The following SLC7A2 variants were observed in gnomAD, a reference collection of about 807,000 sequenced individuals.
The protein encoded by SLC7A2 is solute carrier family 7 member 2.
A neutral mutation model predicts 58.9 loss-of-function variants in SLC7A2; 48 were observed. The observed-to-expected ratio is 0.82, with a 90% CI of 0.65 to 1.04. SLC7A2 has a LOEUF of 1.04. SLC7A2 is among the 50% of genes least tolerant of loss of function. The pLI, the probability that SLC7A2 is intolerant of heterozygous loss-of-function variation, is 0.00. For missense variants in SLC7A2, 1,029 were observed against 818.8 expected (o/e 1.26, Z -3.13); for synonymous variants, 363 against 314.5 (o/e 1.15, Z -1.63).
chr8:17,509,650 G>A (rs1446495469), intron 2 of SLC7A2, among the ~76,000 whole-genome samples: 1 of 152,032 alleles, frequency 6.6e-6, no homozygotes, highest in African/African-American at 2.4e-5. Context: ...AAACAAGAGT[G>A]CAATCATTTT....
At chr8:17,503,157 T>C (rs1237614820) in intron 2 of SLC7A2, among the ~76,000 whole-genome samples, 1 of 151,940 alleles carries the variant, frequency 6.6e-6, no homozygotes, top group Non-Finnish European at 1.5e-5. Flanking sequence ...TTCACGCCAT[T>C]CTCCTGCCTC....
intron 2 of SLC7A2, among the ~76,000 whole-genome samples, chr8:17,512,003 A>G (rs962827991): frequency 2.2e-4 from 33 of 152,178 alleles, no homozygotes; most frequent in Non-Finnish European, 3.7e-4. Context: ...GATAAATTCT[A>G]AAGTTTCCTT....
chr8:17,546,576 C>T (rs2150745586), intron 4 of SLC7A2, among the ~76,000 whole-genome samples: 1 of 152,236 alleles, frequency 6.6e-6, no homozygotes, highest in African/African-American at 2.4e-5. Flanking sequence ...ATAAAGGTGG[C>T]TTTGTTATTC....
At chr8:17,563,304 A>G (rs1803109429) in intron 11 of SLC7A2, among the ~76,000 whole-genome samples, 1 of 152,142 alleles carries the variant, frequency 6.6e-6, no homozygotes, top group South Asian at 2.1e-4. Context: ...CACATTTCAG[A>G]GGTCTCCCCT....
chr8:17,562,180 ATTTT>A (rs200130071), intron 11 of SLC7A2, 70 bp downstream of exon 11: 559 of 592,942 alleles, frequency 9.4e-4, no homozygotes, highest in South Asian at 2.5e-3. Flanking sequence ...TTTGGTAAGT[ATTTT>A]TTTTTTTTTT....
chr8:17,554,738 T>C, intron 8 of SLC7A2, 39 bp downstream of exon 8: 5 of 1,577,276 alleles, frequency 3.2e-6, no homozygotes, highest in Non-Finnish European at 4.3e-6. Context: ...ACGGGGGATC[T>C]TTTTCATCAA....
intron 10 of SLC7A2, among the ~76,000 whole-genome samples, chr8:17,561,011 C>T (rs1312045359): frequency 6.6e-6 from 1 of 152,132 alleles, no homozygotes; most frequent in African/African-American, 2.4e-5. Flanking sequence ...AGAGACGGTC[C>T]GTACTCTCAC....
rs181333941 is a variant in SLC7A2 at position 17,541,019 on chromosome 8, C to A, written c.-22-2299C>A. 3.4e-3 allele frequency among the ~76,000 whole-genome samples: 520 copies of A among 152,142 alleles called. 2 individuals are homozygous for A. The highest frequency in any genetic ancestry group is 0.011 in the African/African-American group (466 of 41,502). On this transcript the variant is annotated intron_variant, in intron 2 of 12. Transcript: ENST00000494857. ...AATGGGTATGTTTATCAGTTGTGTT[C>A]CCGGAGTTGTATATGACATGTCTCA...
chr8:17,494,137 T>TG (rs1208729961), upstream of SLC7A2, among the ~76,000 whole-genome samples: 1 of 152,182 alleles, frequency 6.6e-6, no homozygotes, highest in African/African-American at 2.4e-5. Context: ...TAAAATAGTT[T>TG]GGGGAATAAT....
intron 2 of SLC7A2, among the ~76,000 whole-genome samples, chr8:17,542,442 T>C (rs2150736334): frequency 6.6e-6 from 1 of 152,192 alleles, no homozygotes; most frequent in African/African-American, 2.4e-5. Context: ...CGTGAGCCCA[T>C]GAATTCAAGA....
At position 17,519,032 on chromosome 8, in the gene SLC7A2, C is replaced by G. The variant is rs557344251; in HGVS notation, c.-23+16730C>G. 6.6e-5 allele frequency among the ~76,000 whole-genome samples: 10 copies of G among 152,202 alleles called. No individual in the cohort carries two copies. In the South Asian group the frequency reaches 1.0e-3, roughly 16 times the overall value. On this transcript the variant is annotated intron_variant, in intron 2 of 12. Coordinates refer to ENST00000494857, the MANE Select transcript of SLC7A2 (RefSeq NM_001370338.1). Reference sequence around the variant, plus strand: ...ACTAATTCCATCATGGGTGCCCCACCCACATGATCTCATCTAGCCCTAATT... The same window carrying G: ...ACTAATTCCATCATGGGTGCCCCACGCACATGATCTCATCTAGCCCTAATT...
upstream of SLC7A2, among the ~76,000 whole-genome samples, chr8:17,494,193 C>T (rs768435930): frequency 6.6e-5 from 10 of 152,074 alleles, no homozygotes; most frequent in Non-Finnish European, 1.2e-4. Context: ...TTCAGTCTTG[C>T]TAGTTGAAGT....
chr8:17,524,445 C>T (rs1379899466), intron 2 of SLC7A2, among the ~76,000 whole-genome samples: 1 of 151,766 alleles, frequency 6.6e-6, no homozygotes, highest in African/African-American at 2.4e-5. Flanking sequence ...CACACACACA[C>T]ACACACACAC....
upstream of SLC7A2, among the ~76,000 whole-genome samples, chr8:17,496,916 C>A (rs1799973757): frequency 6.6e-6 from 1 of 151,884 alleles, no homozygotes; most frequent in South Asian, 2.1e-4. Context: ...GCAAACCCCG[C>A]TGAGCAGCGG....
chr8:17,524,433 C>T (rs1429021069), intron 2 of SLC7A2, among the ~76,000 whole-genome samples: 22 of 151,372 alleles, frequency 1.5e-4, no homozygotes, highest in South Asian at 6.3e-4. Context: ...CACACACACA[C>T]ACACACACAC....
At chr8:17,504,192 G>C (rs1455326577) in intron 2 of SLC7A2, among the ~76,000 whole-genome samples, 3 of 152,202 alleles carry the variant, frequency 2.0e-5, no homozygotes, top group Admixed American at 2.0e-4. Context: ...TGGCACTGCT[G>C]AGTGTTTAGT....
At position 17,566,421 on chromosome 8, in the gene SLC7A2, TC is replaced by T. The variant is rs1803267543; in HGVS notation, c.*1277del. On this transcript the variant is annotated 3_prime_UTR_variant, in exon 13 of 13. Transcript: ENST00000494857. ...TTGGATCTAATTTGCCTCTGATGTT[TC>T]CTTTGGAAACATTTAGGAATATTTT... The T allele has an allele frequency of 6.6e-6, 1 of 152,180 alleles. No individual in the cohort carries two copies. The highest frequency in any genetic ancestry group is 6.5e-5 in the Admixed American group (1 of 15,272). 9.4% of individuals were successfully genotyped at this position (152,180 alleles called of 1,614,324 possible). A position where few individuals can be genotyped will look rare whatever the true frequency, so the allele number is the denominator to read the frequency against.
At chr8:17,511,629 CATT>C (rs749271192) in intron 2 of SLC7A2, among the ~76,000 whole-genome samples, 11 of 152,276 alleles carry the variant, frequency 7.2e-5, no homozygotes, top group Admixed American at 2.0e-4. Context: ...AACCATTAAA[CATT>C]ATACATTAAC....
In SLC7A2 at chr8:17,566,277, G is replaced by C. The variant is rs73560701; in HGVS notation, c.*1131G>C. ...TTTGTCTTGTCTTAGAGATGAGGGG[G>C]CTACAGCAGCATCATGCAAAGAGGG... On this transcript the variant is annotated 3_prime_UTR_variant, in exon 13 of 13. Coordinates refer to ENST00000494857, the MANE Select transcript of SLC7A2 (RefSeq NM_001370338.1). The C allele has an allele frequency of 6.4e-4, 97 of 152,184 alleles. 2 individuals are homozygous for C. Among genetic ancestry groups the C allele is most frequent in the African/African-American group, 2.2e-3 (91 of 41,528 alleles). The allele number at this position is 152,184 out of a possible 1,614,324, so 9.4% of individuals were successfully genotyped here.
Sources: gnomAD v4.1 joint callset for allele counts (sites outside exome capture counted in the v4.1 genomes callset) on GRCh38, gnomAD v4.1.1 for gene constraint, MANE v1.5 for transcripts, NCBI Gene and HGNC (gene_info 2026-07-23, HGNC 2026-07-21) for gene names.